Variants in KIAA0232 observed in about 807,000 individuals in gnomAD.
KIAA0232 encodes KIAA0232, also known as uncharacterized protein KIAA0232.
KIAA0232 carries 27 observed loss-of-function variants against 122.0 expected under a neutral mutation model. The ratio of observed to expected loss-of-function variants is 0.22; its 90% CI spans 0.16 to 0.31. The LOEUF is 0.31. Ranked by LOEUF, KIAA0232 falls within the 10% of genes least tolerant of loss-of-function variation. The probability of loss-of-function intolerance (pLI) is 1.00; values close to 1 mark genes in which losing one functional copy is unlikely to be tolerated. For missense variants in KIAA0232, 1,551 were observed against 1,634.2 expected (o/e 0.95, Z 0.88); for synonymous variants, 613 against 587.6 (o/e 1.04, Z -0.63).
At chr4:6,815,147 G>T (rs1445157629) in intron 2 of KIAA0232, among the ~76,000 whole-genome samples, 26 of 152,034 alleles carry the variant, frequency 1.7e-4, no homozygotes, top group Admixed American at 1.6e-3. Context: ...TCCATGTTTG[G>T]AATGAGTGTA....
intron 1 of KIAA0232, among the ~76,000 whole-genome samples, chr4:6,803,417 G>A (rs1320620255): frequency 6.6e-6 from 1 of 152,100 alleles, no homozygotes; most frequent in East Asian, 1.9e-4. Context: ...AATGTTCAAG[G>A]GTCTGTCACA....
chr4:6,847,347 C>G (rs1418431518), intron 4 of KIAA0232, among the ~76,000 whole-genome samples: 1 of 152,210 alleles, frequency 6.6e-6, no homozygotes, highest in Non-Finnish European at 1.5e-5. Flanking sequence ...CACCGTGCCT[C>G]CACTTTATCC....
chr4:6,820,611 C>T (rs1214397909), intron 2 of KIAA0232, among the ~76,000 whole-genome samples: 4 of 152,014 alleles, frequency 2.6e-5, no homozygotes, highest in African/African-American at 9.7e-5. Flanking sequence ...CTTTATCCTA[C>T]TGTTGGCTTA....
At chr4:6,785,407 A>G (rs188908726) in intron 1 of KIAA0232, among the ~76,000 whole-genome samples, 2 of 152,270 alleles carry the variant, frequency 1.3e-5, no homozygotes, top group Admixed American at 6.5e-5. Context: ...TTTTTGTAGC[A>G]TTTGACTTGG....
intron 1 of KIAA0232, among the ~76,000 whole-genome samples, chr4:6,799,777 C>T (rs2108913641): frequency 6.6e-6 from 1 of 152,106 alleles, no homozygotes; most frequent in East Asian, 1.9e-4. Flanking sequence ...TCACTGCAAC[C>T]TCCGCCTCCT....
chr4:6,864,100 A>G lies in KIAA0232; in HGVS notation c.3718A>G (p.Ile1240Val). ...AATAATGGCACAATGCGAGGAAGAA[A>G]TTAATAATTTTTGTGGTTGCAAAGC... Reference protein sequence around the residue: ...CKIMAQCEEEINNFCGCKAGC... With the variant: ...CKIMAQCEEEVNNFCGCKAGC... Residue 1240 changes from isoleucine to valine, a missense_variant, in exon 7 of 10, where the codon ATT becomes GTT. By Grantham distance (29) the Ile-to-Val change is conservative (BLOSUM62 3). Coordinates refer to ENST00000307659, the MANE Select transcript of KIAA0232 (RefSeq NM_014743.3). 1 of 1,614,156 alleles carries G rather than the reference A, an allele frequency of 6.2e-7. No homozygotes were observed. Among genetic ancestry groups the G allele is most frequent in the Non-Finnish European group, 8.5e-7 (1 of 1,180,014 alleles).
intron 4 of KIAA0232, among the ~76,000 whole-genome samples, chr4:6,843,019 A>G (rs1419100040): frequency 6.6e-6 from 1 of 152,198 alleles, no homozygotes; most frequent in Non-Finnish European, 1.5e-5. Flanking sequence ...CTGTATTGGC[A>G]TATGATTTAT....
intron 8 of KIAA0232, among the ~76,000 whole-genome samples, chr4:6,874,440 A>G (rs575999144): frequency 6.6e-6 from 1 of 152,308 alleles, no homozygotes; most frequent in South Asian, 2.1e-4. Flanking sequence ...GAGGCCAGCC[A>G]GGCAGCTGGG....
chr4:6,795,549 T>C (rs564939547), intron 1 of KIAA0232, among the ~76,000 whole-genome samples: 3 of 148,180 alleles, frequency 2.0e-5, no homozygotes, highest in South Asian at 4.2e-4. Context: ...ATCAAACATA[T>C]TAAAGTTAAT....
intron 3 of KIAA0232, among the ~76,000 whole-genome samples, chr4:6,833,563 C>G (rs989523105): frequency 6.6e-6 from 1 of 151,298 alleles, no homozygotes. Context: ...CCAGGGAGGT[C>G]GAGGCTGCAG....
rs149827182 is a variant in KIAA0232 at position 6,794,671 on chromosome 4, G to A, written c.-353-9852G>A. Among the ~76,000 whole-genome samples the A allele has an allele frequency of 4.3e-3, 649 of 152,276 alleles. 6 individuals are homozygous for A. Among genetic ancestry groups the A allele is most frequent in the African/African-American group, 0.015 (610 of 41,558 alleles). On this transcript the variant is annotated intron_variant, in intron 1 of 9. Coordinates refer to ENST00000307659, the MANE Select transcript of KIAA0232 (RefSeq NM_014743.3). Reference sequence around the variant, plus strand: ...AGATACCTGAGGAGCAGAGCATTTCGAGGGGTAGAGGAGAGCAAGTGAAAG... The same window carrying A: ...AGATACCTGAGGAGCAGAGCATTTCAAGGGGTAGAGGAGAGCAAGTGAAAG...
At chr4:6,840,018 A>G (rs1434595228) in intron 3 of KIAA0232, among the ~76,000 whole-genome samples, 1 of 152,182 alleles carries the variant, frequency 6.6e-6, no homozygotes, top group Admixed American at 6.5e-5. Flanking sequence ...TTCACAAGCA[A>G]CCCAAAGTTT....
rs749354748 is a variant in KIAA0232 at position 6,838,727 on chromosome 4, C to CTTT, written c.232-3320_232-3318dup. Among the ~76,000 whole-genome samples the CTTT allele has an allele frequency of 4.1e-3, 444 of 108,206 alleles. 2 individuals carry two copies. Among genetic ancestry groups the CTTT allele is most frequent in the African/African-American group, 0.013 (367 of 27,660 alleles). The allele number at this position is 108,206 out of a possible 152,430, so 71.0% of individuals were successfully genotyped here. A position where few individuals can be genotyped will look rare whatever the true frequency, so the allele number is the denominator to read the frequency against. On this transcript the variant is annotated intron_variant, in intron 3 of 9. Coordinates refer to ENST00000307659, the MANE Select transcript of KIAA0232 (RefSeq NM_014743.3). Reference sequence around the variant, plus strand: ...GAACTGACTTGTACTTTCAAAGCAGCTTTTTTTTTTTTTTTTTTTTTTGAG... The same window carrying CTTT: ...GAACTGACTTGTACTTTCAAAGCAGCTTTTTTTTTTTTTTTTTTTTTTTTTGAG...
chr4:6,820,259 TAAA>T (rs888506853), intron 2 of KIAA0232, among the ~76,000 whole-genome samples: 10 of 151,898 alleles, frequency 6.6e-5, no homozygotes, highest in African/African-American at 2.2e-4. Context: ...AAATAAAAGT[TAAA>T]AAGAAAAAAG....
chr4:6,785,195 C>G (rs1287182661), intron 1 of KIAA0232, among the ~76,000 whole-genome samples: 1 of 152,104 alleles, frequency 6.6e-6, no homozygotes, highest in Non-Finnish European at 1.5e-5. Context: ...CCTCAGCCTC[C>G]CAAAGTGCTG....
intron 2 of KIAA0232, among the ~76,000 whole-genome samples, chr4:6,820,066 A>G (rs1240142245): frequency 6.6e-6 from 1 of 152,140 alleles, no homozygotes; most frequent in Non-Finnish European, 1.5e-5. Context: ...TGTGGATGTA[A>G]AGGTGACAGC....
intron 9 of KIAA0232, among the ~76,000 whole-genome samples, chr4:6,880,377 C>A (rs533845735): frequency 6.8e-6 from 1 of 148,066 alleles, no homozygotes; most frequent in South Asian, 2.1e-4. Flanking sequence ...TCTGCAGTGC[C>A]CCCCTCACCA....
chr4:6,872,108 G>A (rs959912485), intron 8 of KIAA0232, among the ~76,000 whole-genome samples: 1 of 152,218 alleles, frequency 6.6e-6, no homozygotes, highest in African/African-American at 2.4e-5. Context: ...AGGTTTGAGG[G>A]CTTGGCTAGG....
intron 1 of KIAA0232, among the ~76,000 whole-genome samples, chr4:6,790,669 GC>G (rs1364042833): frequency 1.3e-5 from 2 of 151,752 alleles, no homozygotes; most frequent in Non-Finnish European, 2.9e-5. Flanking sequence ...GTGGGTATGA[GC>G]CACCATGCCA....
Sources: allele counts gnomAD v4.1 joint callset (sites outside exome capture counted in the v4.1 genomes callset), GRCh38; gene constraint gnomAD v4.1.1; transcripts MANE v1.5; gene names NCBI Gene and HGNC (gene_info 2026-07-23, HGNC 2026-07-21).